The following SMCHD1 variants were observed in gnomAD, a reference collection of about 807,000 sequenced individuals.
SMCHD1 encodes the protein structural maintenance of chromosomes flexible hinge domain-containing protein 1.
In SMCHD1, 78 loss-of-function variants were observed where a neutral mutation model predicts 254.7. The observed-to-expected ratio is 0.31, with a 90% CI of 0.26 to 0.37. The LOEUF (loss-of-function observed/expected upper bound fraction) is 0.37, where lower values mean the gene tolerates loss of function less well. Ranked by LOEUF, SMCHD1 falls within the 10% of genes least tolerant of loss-of-function variation. SMCHD1 has a pLI of 1.00. For synonymous variants in SMCHD1, 766 were observed against 794.9 expected (o/e 0.96, Z 0.61); for missense variants, 1,840 against 2,408.1 (o/e 0.76, Z 4.94).
chr18:2,744,572 T>G, intron 29 of SMCHD1, among the ~76,000 whole-genome samples: 1 of 152,198 alleles, frequency 6.6e-6, no homozygotes, highest in Admixed American at 6.5e-5. Context: ...CATACTTTTT[T>G]TTGTGGTGAA....
chr18:2,668,092 C>G (rs928927221), intron 3 of SMCHD1, among the ~76,000 whole-genome samples: 3 of 152,116 alleles, frequency 2.0e-5, no homozygotes, highest in African/African-American at 7.2e-5. Flanking sequence ...GTTGACCAGG[C>G]TGGTCTTGAA....
intron 21 of SMCHD1, among the ~76,000 whole-genome samples, 155 bp downstream of exon 21, chr18:2,725,150 C>T (rs1444407836): frequency 6.6e-6 from 1 of 152,066 alleles, no homozygotes; most frequent in Non-Finnish European, 1.5e-5. Flanking sequence ...TGCCACCTGA[C>T]TTATCAGTTA....
At chr18:2,765,473 A>G (rs570637482) in intron 37 of SMCHD1, among the ~76,000 whole-genome samples, 1 of 152,342 alleles carries the variant, frequency 6.6e-6, no homozygotes, top group Non-Finnish European at 1.5e-5. Context: ...GGAGCCTGCC[A>G]GCTGTACCTG....
Position 2,656,231 on chromosome 18 carries a change from C to T in SMCHD1, c.156C>T (p.Asp52=). The T allele has an allele frequency of 6.7e-7, 1 of 1,503,684 alleles. No homozygotes were observed. The highest frequency in any genetic ancestry group is 8.8e-7 in the Non-Finnish European group (1 of 1,135,542). 93.1% of individuals were successfully genotyped at this position (1,503,684 alleles called of 1,614,324 possible). The change falls in exon 1 of 48, where the codon GAC becomes GAT. Residue 52 remains aspartate (D), a synonymous_variant. Coordinates refer to ENST00000320876, the MANE Select transcript of SMCHD1 (RefSeq NM_015295.3). ...DRPLQVGERS[D]YAGFRACVCQ... is the part of the protein sequence containing the mutation. ...CTCTGCAGGTCGGGGAGCGCTCGGA[C>T]TACGCGGGATTTCGCGCGTGTGTGT... is the stretch of plus-strand genomic sequence containing the variant.
At chr18:2,784,029 C>T (rs1415732173) in intron 44 of SMCHD1, among the ~76,000 whole-genome samples, 1 of 152,154 alleles carries the variant, frequency 6.6e-6, no homozygotes, top group African/African-American at 2.4e-5. Context: ...CTAGTGCTTT[C>T]CAGTCTGTAT....
At chr18:2,705,957 T>C in intron 14 of SMCHD1, 150 bp downstream of exon 14, 1 of 523,652 alleles carries the variant, frequency 1.9e-6, no homozygotes, top group Admixed American at 3.5e-5. Context: ...CATAAGTTGA[T>C]GTTTTTAATA....
chr18:2,788,798 ATG>A (rs1268002014), intron 45 of SMCHD1, among the ~76,000 whole-genome samples: 2 of 152,082 alleles, frequency 1.3e-5, no homozygotes, highest in East Asian at 3.9e-4. Context: ...GGGTTTCACC[ATG>A]TTGGCCGGGC....
intron 5 of SMCHD1, among the ~76,000 whole-genome samples, chr18:2,680,144 A>G (rs1427434130): frequency 6.6e-6 from 1 of 152,174 alleles, no homozygotes. Flanking sequence ...TTCTTTGAAT[A>G]TATTTAAAAT....
In SMCHD1 at chr18:2,750,130, C is replaced by T. The variant is rs1436486336; in HGVS notation, c.4007+8C>T. On this transcript the variant is annotated splice_region_variant and intron_variant, in intron 31 of 47. Transcript: ENST00000320876. ...CAGTGTTTTTGCCCCTAGGTAAGAA[C>T]CAAAAGTTTGATAGTTGTTGGTGTT... 7.0e-6 allele frequency: 11 copies of T among 1,572,436 alleles called. No individual in the cohort carries two copies. Among genetic ancestry groups the T allele is most frequent in the Non-Finnish European group, 8.6e-6 (10 of 1,157,388 alleles).
chr18:2,762,506 T>C (rs984696750), intron 36 of SMCHD1, among the ~76,000 whole-genome samples: 24 of 151,122 alleles, frequency 1.6e-4, no homozygotes, highest in Admixed American at 6.6e-5. Context: ...TTTTTTTTTT[T>C]TTTTTGAGAC....
At chr18:2,793,938 ATGTACTC>A (rs2076215100) in intron 45 of SMCHD1, among the ~76,000 whole-genome samples, 1 of 152,140 alleles carries the variant, frequency 6.6e-6, no homozygotes, top group Non-Finnish European at 1.5e-5. Context: ...GTTATACCTA[ATGTACTC>A]TGTACTCTTA....
At chr18:2,797,751 C>T (rs2076287770) in intron 47 of SMCHD1, among the ~76,000 whole-genome samples, 1 of 152,020 alleles carries the variant, frequency 6.6e-6, no homozygotes, top group African/African-American at 2.4e-5. Context: ...ATGGCAAAAC[C>T]CTGTCTCTAC....
intron 45 of SMCHD1, among the ~76,000 whole-genome samples, chr18:2,787,941 C>T (rs1004063678): frequency 5.3e-5 from 8 of 152,210 alleles, no homozygotes; most frequent in African/African-American, 1.7e-4. Flanking sequence ...AACTCTGGGA[C>T]AGTCAGCAGC....
At chr18:2,684,878 A>T (rs1047449477) in intron 5 of SMCHD1, among the ~76,000 whole-genome samples, 6 of 152,072 alleles carry the variant, frequency 3.9e-5, no homozygotes, top group Admixed American at 6.6e-5. Context: ...TCACAACAGT[A>T]TACTTCCGTT....
chr18:2,706,290 A>G, intron 14 of SMCHD1, 74 bp from the exon 15 acceptor site: 2 of 1,000,784 alleles, frequency 2.0e-6, no homozygotes, highest in Non-Finnish European at 2.9e-6. Flanking sequence ...TGGAAGAAAC[A>G]AATGGGTGTT....
intron 1 of SMCHD1, among the ~76,000 whole-genome samples, chr18:2,656,472 G>T (rs2073061229): frequency 6.6e-6 from 1 of 152,246 alleles, no homozygotes; most frequent in Non-Finnish European, 1.5e-5. Context: ...TGCAGGGCCG[G>T]CTCCCCCGTG....
intron 5 of SMCHD1, among the ~76,000 whole-genome samples, chr18:2,675,395 G>C (rs112052802): frequency 0.024 from 3,663 of 151,608 alleles, 130 homozygotes; most frequent in African/African-American, 0.083. Flanking sequence ...CTCCCGAGTA[G>C]CTGCGACTAC....
At chr18:2,669,321 C>G (rs2073530992) in intron 3 of SMCHD1, among the ~76,000 whole-genome samples, 1 of 152,094 alleles carries the variant, frequency 6.6e-6, no homozygotes, top group African/African-American at 2.4e-5. Flanking sequence ...GCACTTCAGT[C>G]TGGGCAACAG....
At chr18:2,665,351 C>CA (rs1328950857) in intron 1 of SMCHD1, among the ~76,000 whole-genome samples, 3 of 151,284 alleles carry the variant, frequency 2.0e-5, no homozygotes, top group African/African-American at 7.3e-5. Context: ...GACGGAGTCT[C>CA]ATTCTGTTGC....
Sources: gnomAD v4.1 joint callset for allele counts (sites outside exome capture counted in the v4.1 genomes callset) on GRCh38, gnomAD v4.1.1 for gene constraint, MANE v1.5 for transcripts, NCBI Gene and HGNC (gene_info 2026-07-23, HGNC 2026-07-21) for gene names.